The following CCNJL variants were observed in gnomAD, a reference collection of about 807,000 sequenced individuals.
CCNJL encodes the protein cyclin-J-like protein.
CCNJL carries 33 observed loss-of-function variants against 33.4 expected under a neutral mutation model. That is an observed-to-expected ratio of 0.99 (90% CI 0.75 to 1.32). The LOEUF is 1.32. CCNJL is among the 40% of genes most tolerant of loss of function. The pLI, the probability that CCNJL is intolerant of heterozygous loss-of-function variation, is 0.00. For missense variants in CCNJL, 512 were observed against 499.7 expected (o/e 1.02, Z -0.23); for synonymous variants, 227 against 220.9 (o/e 1.03, Z -0.24).
chr5:160,280,819 G>A lies in CCNJL; in HGVS notation c.67-81C>T, dbSNP rs545469809. On this transcript the variant is annotated intron_variant, in intron 2 of 5. Coordinates refer to ENST00000257536, the MANE Select transcript of CCNJL (RefSeq NM_001308173.3). ...GGCTGTCCCAGGAAATGGGACCTCA[G>A]GGCCTGAATGGGAGGCAACGATTCC... 1.5e-5 allele frequency: 14 copies of A among 922,690 alleles called. No homozygotes were observed. The South Asian group carries it at 2.0e-4, about 13-fold the overall frequency. 57.2% of individuals were successfully genotyped at this position (922,690 alleles called of 1,614,324 possible).
chr5:160,312,201 T>C (rs1187935943), intron 1 of CCNJL, among the ~76,000 whole-genome samples, 163 bp downstream of exon 1: 1 of 152,214 alleles, frequency 6.6e-6, no homozygotes, highest in South Asian at 2.1e-4. Context: ...AGAATTTTTA[T>C]CTTCCCTTTT....
At chr5:160,303,629 G>A (rs923606207) in intron 2 of CCNJL, among the ~76,000 whole-genome samples, 3 of 151,900 alleles carry the variant, frequency 2.0e-5, no homozygotes, top group Non-Finnish European at 2.9e-5. Context: ...GTAGGATTGT[G>A]AGGGGAATTT....
chr5:160,313,971 C>A (rs567437677), upstream of CCNJL, among the ~76,000 whole-genome samples: 2 of 152,176 alleles, frequency 1.3e-5, no homozygotes, highest in Non-Finnish European at 1.5e-5. Flanking sequence ...AGTTTGAGAC[C>A]AAACTGGCTA....
intron 3 of CCNJL, among the ~76,000 whole-genome samples, chr5:160,276,569 A>G (rs773715695): frequency 3.2e-4 from 48 of 152,344 alleles, no homozygotes; most frequent in Middle Eastern, 3.4e-3. Flanking sequence ...GCCAGAATAG[A>G]CGAATCCATA....
At chr5:160,280,911 T>C (rs185171463) in intron 2 of CCNJL, 173 bp from the exon 3 acceptor site, 1 of 700,110 alleles carries the variant, frequency 1.4e-6, no homozygotes, top group East Asian at 2.7e-5. Context: ...ATCTCCCATC[T>C]GCTTTCACTA....
At chr5:160,320,437 C>T (rs1345083518) in intron 1 of CCNJL, among the ~76,000 whole-genome samples, 1 of 152,180 alleles carries the variant, frequency 6.6e-6, no homozygotes, top group East Asian at 1.9e-4. Flanking sequence ...ACTTACGGCC[C>T]TCCTGGTCTA....
chr5:160,291,181 G>A (rs1045098486), intron 2 of CCNJL, among the ~76,000 whole-genome samples: 1 of 152,030 alleles, frequency 6.6e-6, no homozygotes, highest in African/African-American at 2.4e-5. Context: ...CTACCCAAGA[G>A]CAACAGTGGG....
intron 4 of CCNJL, 119 bp downstream of exon 4, chr5:160,259,350 G>T: frequency 1.2e-6 from 1 of 814,634 alleles, no homozygotes; most frequent in Non-Finnish European, 1.9e-6. Flanking sequence ...TGATCTGGGT[G>T]CACAGGCCCC....
At chr5:160,305,056 C>T (rs560414275) in intron 2 of CCNJL, among the ~76,000 whole-genome samples, 24 of 152,068 alleles carry the variant, frequency 1.6e-4, no homozygotes, top group Admixed American at 7.9e-4. Flanking sequence ...CCTCGTGAAC[C>T]GCTCATCTCG....
intron 2 of CCNJL, among the ~76,000 whole-genome samples, chr5:160,292,512 T>A (rs141118760): frequency 3.9e-5 from 6 of 152,058 alleles, no homozygotes; most frequent in Non-Finnish European, 8.8e-5. Flanking sequence ...GCCTAACTAC[T>A]TGGGAGGATG....
At chr5:160,302,165 A>G (rs1762945551) in intron 2 of CCNJL, among the ~76,000 whole-genome samples, 1 of 152,256 alleles carries the variant, frequency 6.6e-6, no homozygotes, top group African/African-American at 2.4e-5. Context: ...TAAAAAATGA[A>G]TAAGCAGTCC....
At chr5:160,259,386 C>T (rs1761214978) in intron 4 of CCNJL, 83 bp downstream of exon 4, 2 of 1,278,460 alleles carry the variant, frequency 1.6e-6, no homozygotes, top group East Asian at 2.3e-5. Context: ...TCTGGATGGA[C>T]ATGCCTTTTA....
intron 3 of CCNJL, among the ~76,000 whole-genome samples, chr5:160,277,024 C>T (rs1426179965): frequency 6.6e-6 from 1 of 152,102 alleles, no homozygotes; most frequent in Non-Finnish European, 1.5e-5. Context: ...AACTGCTGGC[C>T]TCAAGGGATC....
chr5:160,329,781 A>G (rs1763584057), intron 1 of CCNJL, among the ~76,000 whole-genome samples: 1 of 152,134 alleles, frequency 6.6e-6, no homozygotes, highest in Non-Finnish European at 1.5e-5. Context: ...ACACCTTTCT[A>G]TTTTGCAGAT....
At chr5:160,290,262 T>TC (rs1175437087) in intron 2 of CCNJL, among the ~76,000 whole-genome samples, 1 of 151,512 alleles carries the variant, frequency 6.6e-6, no homozygotes, top group East Asian at 1.9e-4. Flanking sequence ...TTCTTTTTTT[T>TC]CTATTTATTT....
In CCNJL at chr5:160,252,529, C is replaced by T. The variant is rs1041782971; in HGVS notation, c.*849G>A. The T allele has an allele frequency of 4.6e-5, 7 of 152,390 alleles. No individual in the cohort carries two copies. The highest frequency in any genetic ancestry group is 7.2e-5 in the African/African-American group (3 of 41,382). The allele number at this position is 152,390 out of a possible 1,614,324, so 9.4% of individuals were successfully genotyped here. A position where few individuals can be genotyped will look rare whatever the true frequency, so the allele number is the denominator to read the frequency against. ...TCCAAGACGTGGAATCTTCCGGAAC[C>T]GAGAGCTGGGAAAATGGTTCTCTCC... is the stretch of plus-strand genomic sequence containing the variant. On this transcript the variant is annotated 3_prime_UTR_variant, in exon 6 of 6. Coordinates refer to ENST00000257536, the MANE Select transcript of CCNJL (RefSeq NM_001308173.3).
chr5:160,259,483 T>A lies in CCNJL; in HGVS notation c.569A>T (p.Glu190Val). 6.2e-7 allele frequency: 1 copy of A among 1,612,922 alleles called. No homozygotes were observed. Among genetic ancestry groups the A allele is most frequent in the Non-Finnish European group, 8.5e-7 (1 of 1,179,306 alleles). The change falls in exon 4 of 6, where the codon GAG becomes GTG. Residue 190 changes from glutamate to valine, a missense_variant. Physicochemically the swap from Glu to Val is moderately radical, Grantham distance 121. Transcript: ENST00000257536. Reference protein sequence around the residue: ...CLKEYAHYFLEVTLQDHIFYK... With the variant: ...CLKEYAHYFLVVTLQDHIFYK... ...CCAGCTGTCACCTTGCAGGGTGACC[T>A]CTAGGAAGTAATGGGCATACTCCTT...
chr5:160,326,573 T>A, intron 1 of CCNJL: 1 of 367,310 alleles, frequency 2.7e-6, no homozygotes, highest in Non-Finnish European at 5.4e-6. Context: ...ACACTGCCAA[T>A]ATAAATTAAA....
chr5:160,254,874 C>T (rs1427794027), intron 5 of CCNJL: 2 of 152,702 alleles, frequency 1.3e-5, no homozygotes, highest in Admixed American at 1.3e-4. Context: ...GCTAAGAGGT[C>T]AGCTTTGTGA....
Sources: gnomAD v4.1 joint callset for allele counts (sites outside exome capture counted in the v4.1 genomes callset) on GRCh38, gnomAD v4.1.1 for gene constraint, MANE v1.5 for transcripts, NCBI Gene and HGNC (gene_info 2026-07-23, HGNC 2026-07-21) for gene names.